Variants in ARHGAP10 observed in about 807,000 individuals in gnomAD.
The protein encoded by ARHGAP10 is rho GTPase-activating protein 10.
A neutral mutation model predicts 108.6 loss-of-function variants in ARHGAP10; 87 were observed. The ratio of observed to expected loss-of-function variants is 0.80; its 90% CI spans 0.67 to 0.96. The LOEUF is 0.96. Ranked by LOEUF, ARHGAP10 falls within the 40% of genes least tolerant of loss-of-function variation. The pLI, the probability that ARHGAP10 is intolerant of heterozygous loss-of-function variation, is 0.00. For synonymous variants in ARHGAP10, 347 were observed against 341.1 expected (o/e 1.02, Z -0.19); for missense variants, 939 against 954.5 (o/e 0.98, Z 0.21).
At chr4:147,888,935 A>T (rs1354891996) in intron 10 of ARHGAP10, among the ~76,000 whole-genome samples, 1 of 152,230 alleles carries the variant, frequency 6.6e-6, no homozygotes, top group African/African-American at 2.4e-5. Context: ...TAGAATCAGG[A>T]ATCAGGGAAT....
At chr4:147,880,309 A>G (rs1735272846) in intron 9 of ARHGAP10, among the ~76,000 whole-genome samples, 1 of 152,218 alleles carries the variant, frequency 6.6e-6, no homozygotes, top group Non-Finnish European at 1.5e-5. Flanking sequence ...ACTTCTATTT[A>G]CTTGTACTAT....
intron 19 of ARHGAP10, among the ~76,000 whole-genome samples, chr4:148,039,366 C>T (rs1176162311): frequency 9.6e-5 from 10 of 104,616 alleles, no homozygotes; most frequent in Admixed American, 3.9e-4. Flanking sequence ...AATACTACTT[C>T]AATTTTTTTT....
chr4:147,864,575 A>G (rs985617043), intron 5 of ARHGAP10: 7 of 309,808 alleles, frequency 2.3e-5, no homozygotes, highest in Middle Eastern at 9.5e-4. Context: ...TAGGAGTCAC[A>G]AGCTTTTTCT....
rs1735266453 is a variant in ARHGAP10, at chr4:147,880,087, C to T, written c.939+749C>T. ...TAGTAAGAAAAGAGCAAGAAGACCT[C>T]ACAGAGTTGGCTGTGTAGGAAAGGT... On this transcript the variant is annotated intron_variant, in intron 9 of 22. Coordinates refer to ENST00000336498, the MANE Select transcript of ARHGAP10 (RefSeq NM_024605.4). Among the ~76,000 whole-genome samples the T allele has an allele frequency of 2.0e-5, 3 of 152,198 alleles. No homozygotes were observed. In the South Asian group the frequency reaches 6.2e-4, roughly 32 times the overall value.
intron 19 of ARHGAP10, among the ~76,000 whole-genome samples, chr4:148,038,876 G>A (rs150781196): frequency 6.6e-6 from 1 of 152,154 alleles, no homozygotes; most frequent in Non-Finnish European, 1.5e-5. Flanking sequence ...TCTCTTCAAA[G>A]AAGCAAATGT....
At chr4:147,735,566 G>A (rs1243871363) in intron 1 of ARHGAP10, among the ~76,000 whole-genome samples, 3 of 152,152 alleles carry the variant, frequency 2.0e-5, no homozygotes, top group Non-Finnish European at 4.4e-5. Flanking sequence ...ATTATGGAGG[G>A]CCATAAAAAC....
At chr4:147,769,566 T>C (rs1246797013) in intron 1 of ARHGAP10, among the ~76,000 whole-genome samples, 3 of 152,212 alleles carry the variant, frequency 2.0e-5, no homozygotes, top group African/African-American at 7.2e-5. Context: ...ACAAGTTCTT[T>C]CTACAGAGAT....
At chr4:147,961,633 T>C (rs1739001660) in intron 16 of ARHGAP10, among the ~76,000 whole-genome samples, 1 of 152,128 alleles carries the variant, frequency 6.6e-6, no homozygotes, top group African/African-American at 2.4e-5. Context: ...TTTTTTTGCT[T>C]TCTGAACAGG....
At chr4:148,037,714 A>G (rs535844487) in intron 19 of ARHGAP10, among the ~76,000 whole-genome samples, 119 of 152,188 alleles carry the variant, frequency 7.8e-4, no homozygotes, top group African/African-American at 2.8e-3. Context: ...GTGTGCCTGT[A>G]ATCCCAGCTA....
At chr4:148,042,158 A>G (rs998417279) in intron 19 of ARHGAP10, among the ~76,000 whole-genome samples, 2 of 151,944 alleles carry the variant, frequency 1.3e-5, no homozygotes, top group South Asian at 2.1e-4. Flanking sequence ...TTTATTCCCT[A>G]TTTCAGTTAA....
intron 3 of ARHGAP10, among the ~76,000 whole-genome samples, chr4:147,832,108 A>C (rs1447009598): frequency 6.6e-6 from 1 of 151,966 alleles, no homozygotes; most frequent in Non-Finnish European, 1.5e-5. Context: ...ACCCACCCAC[A>C]CACACACAAG....
chr4:148,045,762 A>G (rs1345774582), intron 19 of ARHGAP10, among the ~76,000 whole-genome samples: 3 of 151,622 alleles, frequency 2.0e-5, no homozygotes. Flanking sequence ...AAAAAAAAAA[A>G]AAAGAAATCC....
At chr4:147,914,345 G>A (rs140794450) in intron 13 of ARHGAP10, among the ~76,000 whole-genome samples, 15 of 151,886 alleles carry the variant, frequency 9.9e-5, no homozygotes, top group African/African-American at 2.2e-4. Flanking sequence ...TATTTGCTGC[G>A]TTGCATTTTT....
At position 148,006,869 on chromosome 4, in the gene ARHGAP10, C is replaced by T. The variant is rs187506743; in HGVS notation, c.1717-16394C>T. On this transcript the variant is annotated intron_variant, in intron 18 of 22. Coordinates refer to ENST00000336498, the MANE Select transcript of ARHGAP10 (RefSeq NM_024605.4). ...CAGCTCCATGGCTAAGATTTCCATG[C>T]ACCCTTTCCTTCCTCCCCATCAGCC... Among the ~76,000 whole-genome samples, 335 of 152,270 alleles carry T rather than the reference C, an allele frequency of 2.2e-3. 2 individuals carry two copies. Among genetic ancestry groups the T allele is most frequent in the Middle Eastern group, 0.014 (4 of 294 alleles).
In ARHGAP10 at chr4:147,964,050, C is replaced by T. The variant is rs538676593; in HGVS notation, c.1451-974C>T. 3.9e-5 allele frequency among the ~76,000 whole-genome samples: 6 copies of T among 152,332 alleles called. No individual in the cohort carries two copies. The South Asian group carries it at 1.0e-3, about 26-fold the overall frequency. Reference sequence around the variant, plus strand: ...CCTTTTTATTCTGATGTTTTGACATCTGGGGCCTCACTGACCCGAGGAAAC... The same window carrying T: ...CCTTTTTATTCTGATGTTTTGACATTTGGGGCCTCACTGACCCGAGGAAAC... On this transcript the variant is annotated intron_variant, in intron 16 of 22. Transcript: ENST00000336498.
chr4:147,856,885 C>T (rs1734109053), intron 4 of ARHGAP10, among the ~76,000 whole-genome samples: 1 of 152,132 alleles, frequency 6.6e-6, no homozygotes, highest in South Asian at 2.1e-4. Flanking sequence ...CAGAGTCTCA[C>T]CCTGTTGCCC....
Position 148,072,294 on chromosome 4 carries a change from C to G in ARHGAP10, c.*213C>G. The G allele has an allele frequency of 2.2e-6, 1 of 446,604 alleles. No homozygotes were observed. Among genetic ancestry groups the G allele is most frequent in the South Asian group, 5.7e-5 (1 of 17,446 alleles). 27.7% of individuals were successfully genotyped at this position (446,604 alleles called of 1,614,324 possible). On this transcript the variant is annotated 3_prime_UTR_variant, in exon 23 of 23. Transcript: ENST00000336498. ...TGATTGTGGATCAGGAGGGGAATGT[C>G]AGGATTCGCAAAATGGACTTTTCAT...
At chr4:147,815,454 G>C (rs1454261388) in intron 1 of ARHGAP10, among the ~76,000 whole-genome samples, 1 of 152,106 alleles carries the variant, frequency 6.6e-6, no homozygotes, top group African/African-American at 2.4e-5. Flanking sequence ...TAAAGACCCT[G>C]AGATTATTGG....
At chr4:147,936,300 C>T (rs942549408) in intron 13 of ARHGAP10, among the ~76,000 whole-genome samples, 14 of 147,982 alleles carry the variant, frequency 9.5e-5, no homozygotes, top group African/African-American at 2.7e-4. Context: ...CAGGGCTGTG[C>T]GGCCTCCTTT....
Sources: allele counts gnomAD v4.1 joint callset (sites outside exome capture counted in the v4.1 genomes callset), GRCh38; gene constraint gnomAD v4.1.1; transcripts MANE v1.5; gene names NCBI Gene and HGNC (gene_info 2026-07-23, HGNC 2026-07-21).